Variants in ANXA9 observed in about 807,000 individuals in gnomAD.
The protein encoded by ANXA9 is annexin 31.
ANXA9 carries 47 observed loss-of-function variants against 51.8 expected under a neutral mutation model. The ratio of observed to expected loss-of-function variants is 0.91; its 90% CI spans 0.72 to 1.16. ANXA9 has a LOEUF of 1.16. Among genes scored for constraint, ANXA9 ranks in the 50% most tolerant of loss-of-function variants. The pLI is 0.00. For synonymous variants in ANXA9, 154 were observed against 168.7 expected, an observed-to-expected ratio of 0.91 and a Z score of 0.68; for missense variants, 361 against 424.7, an observed-to-expected ratio of 0.85 and a Z score of 1.32.
chr1:150,979,684 G>A (rs1671382270), upstream of ANXA9, among the ~76,000 whole-genome samples: 1 of 152,188 alleles, frequency 6.6e-6, no homozygotes, highest in South Asian at 2.1e-4. Context: ...CCCTCTTGTG[G>A]CCATTTTGGG....
chr1:150,985,325 C>A (rs1286352007), intron 7 of ANXA9, among the ~76,000 whole-genome samples: 1 of 152,126 alleles, frequency 6.6e-6, no homozygotes, highest in Non-Finnish European at 1.5e-5. Context: ...CAGCCCCTTG[C>A]CATCCCTGCC....
At chr1:150,985,592 A>T (rs935606883) in intron 7 of ANXA9, among the ~76,000 whole-genome samples, 5 of 148,942 alleles carry the variant, frequency 3.4e-5, no homozygotes, top group Admixed American at 1.4e-4. Flanking sequence ...CTTTTGAGAC[A>T]AGGTCTTGCC....
At position 150,995,382 on chromosome 1, in the gene ANXA9, A is replaced by G; in HGVS notation, c.*60A>G. The stretch of plus-strand genomic sequence containing the variant: ...ATCTGAGATTTCCGTGTTTGGCTGA[A>G]CCTGGGAGACCAGCTGGGCCTCCAA... On this transcript the variant is annotated 3_prime_UTR_variant, in exon 14 of 14. Transcript: ENST00000368947. The G allele has an allele frequency of 6.6e-7, 1 of 1,515,644 alleles. No individual in the cohort carries two copies. The highest frequency in any genetic ancestry group is 8.9e-7 in the Non-Finnish European group (1 of 1,117,670). 93.9% of individuals were successfully genotyped at this position (1,515,644 alleles called of 1,614,324 possible). A position where few individuals can be genotyped will look rare whatever the true frequency, so the allele number is the denominator to read the frequency against.
upstream of ANXA9, among the ~76,000 whole-genome samples, chr1:150,980,282 G>T (rs1024994396): frequency 6.6e-6 from 1 of 151,830 alleles, no homozygotes; most frequent in South Asian, 2.1e-4. Flanking sequence ...TATAATCCCA[G>T]CTACTCGGGA....
upstream of ANXA9, among the ~76,000 whole-genome samples, chr1:150,978,542 A>T (rs1291243121): frequency 6.6e-6 from 1 of 152,138 alleles, no homozygotes; most frequent in Non-Finnish European, 1.5e-5. Context: ...ACTGAGAGGG[A>T]GCCCAAATCT....
chr1:150,990,581 G>A (rs1013091337), intron 12 of ANXA9, among the ~76,000 whole-genome samples: 2 of 152,270 alleles, frequency 1.3e-5, no homozygotes, highest in Admixed American at 6.5e-5. Context: ...GCGCTGTGGC[G>A]CATGCCTGTA....
chr1:150,986,253 C>A (rs776359168), intron 7 of ANXA9, 83 bp from the exon 8 acceptor site: 54 of 1,231,544 alleles, frequency 4.4e-5, no homozygotes, highest in Middle Eastern at 1.9e-4. Flanking sequence ...CAGGGTATAG[C>A]GGGTCAGGCA....
At chr1:150,983,052 G>A (rs1558037918) in intron 2 of ANXA9, 38 bp from the exon 3 acceptor site, 2 of 1,565,452 alleles carry the variant, frequency 1.3e-6, no homozygotes, top group South Asian at 1.1e-5. Context: ...TGAAGGGCCA[G>A]GAAATTCAGC....
chr1:150,979,509 G>A (rs192112113), upstream of ANXA9, among the ~76,000 whole-genome samples: 424 of 152,272 alleles, frequency 2.8e-3, 2 homozygotes, highest in African/African-American at 9.7e-3. Flanking sequence ...TCTACCTGAG[G>A]CTCTTCCCCT....
chr1:150,992,233 T>C (rs587728792), intron 12 of ANXA9, among the ~76,000 whole-genome samples: 1 of 152,260 alleles, frequency 6.6e-6, no homozygotes, highest in Non-Finnish European at 1.5e-5. Flanking sequence ...TAGGGCCATA[T>C]GCAATGCCAG....
chr1:150,980,050 T>A (rs1227280109), upstream of ANXA9, among the ~76,000 whole-genome samples: 16 of 152,188 alleles, frequency 1.1e-4, no homozygotes, highest in Admixed American at 1.0e-3. Flanking sequence ...AGTTCCATTT[T>A]GGGGTTGTCA....
chr1:150,987,216 A>T (rs1671581745), intron 9 of ANXA9, among the ~76,000 whole-genome samples: 1 of 151,942 alleles, frequency 6.6e-6, no homozygotes, highest in Non-Finnish European at 1.5e-5. Flanking sequence ...AAATATTTTT[A>T]AAAATTAGCT....
At chr1:150,984,757 G>T (rs955833224) in intron 7 of ANXA9, 81 bp downstream of exon 7, 17 of 1,258,748 alleles carry the variant, frequency 1.4e-5, no homozygotes, top group Non-Finnish European at 1.7e-5. Flanking sequence ...CTCCCCATAG[G>T]TGAGCTATCT....
At chr1:150,995,196 G>A (rs1671820938) in intron 13 of ANXA9, 64 bp from the exon 14 acceptor site, 5 of 1,524,986 alleles carry the variant, frequency 3.3e-6, no homozygotes, top group Non-Finnish European at 4.5e-6. Flanking sequence ...CCCAAAGGAG[G>A]GGAGAGAGCA....
At chr1:150,984,731 C>T (rs1299569296) in intron 7 of ANXA9, 55 bp downstream of exon 7, 1 of 1,454,730 alleles carries the variant, frequency 6.9e-7, no homozygotes, top group East Asian at 2.3e-5. Context: ...GTAGGACAGG[C>T]CACTCCTCTC....
At chr1:150,983,922 A>G in intron 4 of ANXA9, 53 bp from the exon 5 acceptor site, 2 of 1,548,296 alleles carry the variant, frequency 1.3e-6, no homozygotes, top group Non-Finnish European at 1.8e-6. Flanking sequence ...AGGAGTAGGA[A>G]CATCCCACTA....
chr1:150,983,297 G>GCCTGGC (rs750506269), intron 3 of ANXA9, 41 bp from the exon 4 acceptor site: 18 of 1,607,678 alleles, frequency 1.1e-5, no homozygotes, highest in Non-Finnish European at 1.4e-5. Context: ...GGTGTAGGCA[G>GCCTGGC]CCTGGCCCTG....
At chr1:150,986,304 G>T (rs1405157432) in intron 7 of ANXA9, 32 bp from the exon 8 acceptor site, 1 of 1,603,840 alleles carries the variant, frequency 6.2e-7, no homozygotes, top group Admixed American at 1.7e-5. Context: ...GAAAACTCAG[G>T]AGGATTCAGA....
In ANXA9 at chr1:150,983,367, C is replaced by A. The variant is rs755624374; in HGVS notation, c.105C>A (p.Leu35=). 1 of 1,614,114 alleles carries A rather than the reference C, an allele frequency of 6.2e-7. No individual in the cohort carries two copies. Among genetic ancestry groups the A allele is most frequent in the Non-Finnish European group, 8.5e-7 (1 of 1,179,982 alleles). The part of the protein sequence containing the change: ...KTAAWGTLGT[L]RTFLNFSVDK... Reference sequence around the variant, plus strand: ...CAGCGTGGGGGACCCTGGGCACCCTCAGGACCTTCTTGAACTTCAGCGTGG... The same window carrying A: ...CAGCGTGGGGGACCCTGGGCACCCTAAGGACCTTCTTGAACTTCAGCGTGG... Residue 35 remains leucine, a synonymous_variant, in exon 4 of 14, where the codon CTC becomes CTA. Transcript: ENST00000368947.
Sources: gnomAD v4.1 joint callset for allele counts (sites outside exome capture counted in the v4.1 genomes callset) on GRCh38, gnomAD v4.1.1 for gene constraint, MANE v1.5 for transcripts, NCBI Gene and HGNC (gene_info 2026-07-23, HGNC 2026-07-21) for gene names.